The following ADAT2 variants were observed in gnomAD, a reference collection of about 807,000 sequenced individuals.
The protein encoded by ADAT2 is adenosine deaminase tRNA specific 2, also known as tRNA-specific adenosine-34 deaminase catalytic subunit ADAT2.
Under a neutral mutation model 25.9 loss-of-function variants are expected in ADAT2, and 26 were observed. The observed-to-expected ratio is 1.00, with a 90% CI of 0.74 to 1.39. ADAT2 has a LOEUF of 1.39. ADAT2 is among the 40% of genes most tolerant of loss of function. ADAT2 has a pLI of 0.00. For synonymous variants in ADAT2, 76 were observed against 86.8 expected (o/e 0.88, Z 0.69); for missense variants, 220 against 244.8 (o/e 0.90, Z 0.68).
At chr6:143,433,174 A>G (rs1779167466) in intron 3 of ADAT2, among the ~76,000 whole-genome samples, 1 of 152,224 alleles carries the variant, frequency 6.6e-6, no homozygotes, top group African/African-American at 2.4e-5. Context: ...ATCCATCCGT[A>G]CATAGTAAAA....
At position 143,428,452 on chromosome 6, in the gene ADAT2, T is replaced by C; in HGVS notation, c.*11A>G. The stretch of plus-strand genomic sequence containing the variant: ...CACTTTGGGTCACTTGGTTCTTTCA[T>C]CAGAACATGTTCAAGATTTCTGACA... On this transcript the variant is annotated 3_prime_UTR_variant, in exon 6 of 6. Coordinates refer to ENST00000237283, the MANE Select transcript of ADAT2 (RefSeq NM_182503.3). The surrounding 1 kb of genome is among the most constrained non-coding windows in gnomAD (Gnocchi z 5.0). The C allele has an allele frequency of 1.2e-6, 2 of 1,612,964 alleles. No individual in the cohort carries two copies. The highest frequency in any genetic ancestry group is 1.7e-6 in the Non-Finnish European group (2 of 1,179,920).
Position 143,442,143 on chromosome 6 carries a change from C to T in ADAT2, c.97-3449G>A, listed in dbSNP as rs2128742905. Among the ~76,000 whole-genome samples, 1 of 152,300 alleles carries T rather than the reference C, an allele frequency of 6.6e-6. No homozygotes were observed. Among genetic ancestry groups the T allele is most frequent in the African/African-American group, 2.4e-5 (1 of 41,570 alleles). On this transcript the variant is annotated intron_variant, in intron 1 of 5. Coordinates refer to ENST00000237283, the MANE Select transcript of ADAT2 (RefSeq NM_182503.3). This position sits in a 1 kb window ranked among gnomAD's most constrained non-coding sequence, Gnocchi z 4.6. ...CAGCTTTATTTGTAATAGCCAAAAA[C>T]TGGAAACAACTCAAATGCCCTTCAG... is the stretch of plus-strand genomic sequence containing the variant.
At chr6:143,431,491 T>C (rs78313925) in intron 4 of ADAT2, among the ~76,000 whole-genome samples, 4,195 of 152,356 alleles carry the variant, frequency 0.028, 89 homozygotes, top group Non-Finnish European at 0.043. Context: ...AATCACTTTC[T>C]AAATGTCTTT....
intron 2 of ADAT2, among the ~76,000 whole-genome samples, chr6:143,435,157 T>TAAA (rs1554278578): frequency 2.5e-5 from 3 of 122,068 alleles, no homozygotes; most frequent in African/African-American, 6.1e-5. Context: ...GTGGAGAGTT[T>TAAA]AAAAAAAAAA....
At position 143,450,645 on chromosome 6, in the gene ADAT2, G is replaced by T. The variant is rs377111027; in HGVS notation, c.14C>A (p.Ala5Glu). MEAK[A>E]APKPAASGAC... ...GCCGCTTGCAGCTGGCTTGGGTGCC[G>T]CCTTCGCCTCCATACCCAGCCACCA... Residue 5 changes from alanine (A) to glutamate (E), a missense_variant, in exon 1 of 6, where the codon GCG becomes GAG. Physicochemically the swap from Ala to Glu is moderately radical, Grantham distance 107. Transcript: ENST00000237283. 14 of 1,613,364 alleles carry T rather than the reference G, an allele frequency of 8.7e-6. No individual in the cohort carries two copies. The South Asian group carries it at 8.8e-5, about 10-fold the overall frequency.
intron 4 of ADAT2, among the ~76,000 whole-genome samples, chr6:143,429,726 G>A (rs986725164): frequency 3.3e-5 from 5 of 152,190 alleles, no homozygotes; most frequent in African/African-American, 1.2e-4. Flanking sequence ...AGTGCATGAA[G>A]TGACACAATG....
Position 143,432,595 on chromosome 6 carries a change from T to C in ADAT2, c.369A>G (p.Val123=), listed in dbSNP as rs1779148179. The C allele has an allele frequency of 1.9e-6, 3 of 1,614,206 alleles. No homozygotes were observed. Among genetic ancestry groups the C allele is most frequent in the Non-Finnish European group, 2.5e-6 (3 of 1,180,020 alleles). Residue 123 remains valine, a synonymous_variant, in exon 4 of 6, where the codon GTA becomes GTG. Coordinates refer to ENST00000237283, the MANE Select transcript of ADAT2 (RefSeq NM_182503.3). This position sits in a 1 kb window ranked among gnomAD's most constrained non-coding sequence, Gnocchi z 4.4. The stretch of plus-strand genomic sequence containing the variant: ...CAAATCGTTCATTCTGACAGCCATA[T>C]ACAACCAGCGGGATTTATAAGACAG... The part of the protein sequence containing the change: ...ALRLMKIPLV[V]YGCQNERFGG...
At chr6:143,448,064 G>C (rs1779646877) in intron 1 of ADAT2, among the ~76,000 whole-genome samples, 1 of 152,138 alleles carries the variant, frequency 6.6e-6, no homozygotes, top group Admixed American at 6.5e-5. Flanking sequence ...ATACTATGCA[G>C]CCATAAAAAA....
At position 143,442,550 on chromosome 6, in the gene ADAT2, T is replaced by C. The variant is rs1334599147; in HGVS notation, c.97-3856A>G. 6.6e-6 allele frequency among the ~76,000 whole-genome samples: 1 copy of C among 151,374 alleles called. No homozygotes were observed. Among genetic ancestry groups the C allele is most frequent in the Non-Finnish European group, 1.5e-5 (1 of 67,912 alleles). ...GATGACATCTTAATAAGCTCTGCAGTTTTCCCAATGCATTTTTCCTGGTTT... is the reference window on the plus strand; with the variant it reads ...GATGACATCTTAATAAGCTCTGCAGCTTTCCCAATGCATTTTTCCTGGTTT... On this transcript the variant is annotated intron_variant, in intron 1 of 5. Coordinates refer to ENST00000237283, the MANE Select transcript of ADAT2 (RefSeq NM_182503.3). The surrounding 1 kb of genome is among the most constrained non-coding windows in gnomAD (Gnocchi z 4.6).
At position 143,423,650 on chromosome 6, in the gene ADAT2, TTATAAC is replaced by T. The variant is rs1200965045; in HGVS notation, c.*4807_*4812del. 1.3e-5 allele frequency: 2 copies of T among 152,132 alleles called. No individual in the cohort carries two copies. Among genetic ancestry groups the T allele is most frequent in the Non-Finnish European group, 2.9e-5 (2 of 68,028 alleles). 9.4% of individuals were successfully genotyped at this position (152,132 alleles called of 1,614,324 possible). On this transcript the variant is annotated 3_prime_UTR_variant, in exon 6 of 6. Transcript: ENST00000237283. Reference sequence around the variant, plus strand: ...GAATACAACCAGAACATGTGGGGGTTTATAACTAATGGGCAGAGTGAGGGGGTCAGT... The same window carrying T: ...GAATACAACCAGAACATGTGGGGGTTTAATGGGCAGAGTGAGGGGGTCAGT...
In ADAT2 at chr6:143,428,352, T is replaced by C. The variant is rs2128737990; in HGVS notation, c.*111A>G. The C allele has an allele frequency of 8.1e-7, 1 of 1,232,908 alleles. No individual in the cohort carries two copies. The highest frequency in any genetic ancestry group is 1.1e-6 in the Non-Finnish European group (1 of 880,766). The allele number at this position is 1,232,908 out of a possible 1,614,324, so 76.4% of individuals were successfully genotyped here. A position where few individuals can be genotyped will look rare whatever the true frequency, so the allele number is the denominator to read the frequency against. On this transcript the variant is annotated 3_prime_UTR_variant, in exon 6 of 6. Transcript: ENST00000237283. The surrounding 1 kb of genome is among the most constrained non-coding windows in gnomAD (Gnocchi z 5.0). Reference sequence around the variant, plus strand: ...CAAATGATGAGAGACACCATTTTCCTGCAGATTAAAAACAATATATAAACA... The same window carrying C: ...CAAATGATGAGAGACACCATTTTCCCGCAGATTAAAAACAATATATAAACA...
chr6:143,448,485 G>T (rs1177450932), intron 1 of ADAT2, among the ~76,000 whole-genome samples: 2 of 151,870 alleles, frequency 1.3e-5, no homozygotes, highest in African/African-American at 2.4e-5. Context: ...AATAAAAACT[G>T]TAATATACAT....
At position 143,441,001 on chromosome 6, in the gene ADAT2, G is replaced by T. The variant is rs78263833; in HGVS notation, c.97-2307C>A. The stretch of plus-strand genomic sequence containing the variant: ...AGAGAGAGAGAGATTTGAAAATGCT[G>T]CACTGCTGGCTTTGAAGATGGAGGG... On this transcript the variant is annotated intron_variant, in intron 1 of 5. Transcript: ENST00000237283. Among the ~76,000 whole-genome samples the T allele has an allele frequency of 9.9e-3, 1,505 of 152,236 alleles. 8 individuals carry two copies. Among genetic ancestry groups the T allele is most frequent in the Middle Eastern group, 0.031 (9 of 294 alleles).
In ADAT2 at chr6:143,436,532, C is replaced by T; in HGVS notation, c.201+2058G>A. 2.6e-6 allele frequency: 1 copy of T among 380,834 alleles called. No homozygotes were observed. Among genetic ancestry groups the T allele is most frequent in the Non-Finnish European group, 5.4e-6 (1 of 186,676 alleles). 23.6% of individuals were successfully genotyped at this position (380,834 alleles called of 1,614,324 possible). A position where few individuals can be genotyped will look rare whatever the true frequency, so the allele number is the denominator to read the frequency against. On this transcript the variant is annotated intron_variant, in intron 2 of 5. Coordinates refer to ENST00000237283, the MANE Select transcript of ADAT2 (RefSeq NM_182503.3). This position sits in a 1 kb window ranked among gnomAD's most constrained non-coding sequence, Gnocchi z 4.1. ...AGAGACGTCTCAGAGCAGTTCACAG[C>T]CATGTTCAGGTGCAAGGCCTTCCTG...
In ADAT2 at chr6:143,444,944, T is replaced by C. The variant is rs1262786213; in HGVS notation, c.96+5619A>G. ...GAAACAGACCTTGTTTGCACACAGT[T>C]TGATGAGTCCTTAAAGAAATATTTC... On this transcript the variant is annotated intron_variant, in intron 1 of 5. Transcript: ENST00000237283. The surrounding 1 kb of genome is among the most constrained non-coding windows in gnomAD (Gnocchi z 4.3). The C allele has an allele frequency of 1.5e-6, 2 of 1,303,344 alleles. No individual in the cohort carries two copies. The highest frequency in any genetic ancestry group is 3.0e-5 in the African/African-American group (2 of 65,788). 80.7% of individuals were successfully genotyped at this position (1,303,344 alleles called of 1,614,324 possible).
Position 143,428,495 on chromosome 6 carries a change from T to C in ADAT2, c.544A>G (p.Lys182Glu), listed in dbSNP as rs894947393. The change falls in exon 6 of 6, where the codon AAA (lysine) becomes GAA (glutamate). Residue 182 changes from lysine (K) to glutamate (E), a missense_variant. Transcript: ENST00000237283. The surrounding 1 kb of genome is among the most constrained non-coding windows in gnomAD (Gnocchi z 5.0). The part of the protein sequence containing the change: ...KQENPNAPKS[K>E]VRKKECQKS ...TTCTGACATTCCTTTTTCCGAACTT[T>C]CGATTTTGGTGCTGTGAAAAGAATA... is the stretch of plus-strand genomic sequence containing the variant. The C allele has an allele frequency of 1.9e-6, 3 of 1,614,064 alleles. No individual in the cohort carries two copies. The highest frequency in any genetic ancestry group is 2.5e-6 in the Non-Finnish European group (3 of 1,180,022).
intron 1 of ADAT2, among the ~76,000 whole-genome samples, chr6:143,443,176 C>T (rs550626968): frequency 6.6e-6 from 1 of 152,006 alleles, no homozygotes; most frequent in African/African-American, 2.4e-5. Context: ...GTATATATCT[C>T]TCACTAGCGC....
rs1778948008 is a variant in ADAT2 at position 143,426,904 on chromosome 6, G to T, written c.*1559C>A. ...ATGATATGAACACAATAAATGCAAT[G>T]AAATCTGCTTGCAGGAAAGCATAAG... On this transcript the variant is annotated 3_prime_UTR_variant, in exon 6 of 6. Transcript: ENST00000237283. This position sits in a 1 kb window ranked among gnomAD's most constrained non-coding sequence, Gnocchi z 4.1. 6.6e-6 allele frequency: 1 copy of T among 152,044 alleles called. No individual in the cohort carries two copies. Among genetic ancestry groups the T allele is most frequent in the Non-Finnish European group, 1.5e-5 (1 of 68,024 alleles). 9.4% of individuals were successfully genotyped at this position (152,044 alleles called of 1,614,324 possible). A position where few individuals can be genotyped will look rare whatever the true frequency, so the allele number is the denominator to read the frequency against.
In ADAT2 at chr6:143,434,128, A is replaced by G; in HGVS notation, c.202-147T>C. The G allele has an allele frequency of 1.0e-6, 1 of 954,936 alleles. No homozygotes were observed. The allele number at this position is 954,936 out of a possible 1,614,324, so 59.2% of individuals were successfully genotyped here. A position where few individuals can be genotyped will look rare whatever the true frequency, so the allele number is the denominator to read the frequency against. On this transcript the variant is annotated intron_variant, in intron 2 of 5. Transcript: ENST00000237283. The surrounding 1 kb of genome is among the most constrained non-coding windows in gnomAD (Gnocchi z 4.5). ...AGTTTCAAGACACCCTTAGCAGTGG[A>G]CAACGTATTCCCCAATTCAAGTACC...
Sources: allele counts gnomAD v4.1 joint callset (sites outside exome capture counted in the v4.1 genomes callset), GRCh38; gene constraint gnomAD v4.1.1; non-coding constraint Gnocchi (gnomAD v3.1); transcripts MANE v1.5; gene names NCBI Gene and HGNC (gene_info 2026-07-23, HGNC 2026-07-21).